TMEM117: variants seen among roughly 807,000 people sequenced by gnomAD.
The protein encoded by TMEM117 is transmembrane protein 117.
Under a neutral mutation model 52.4 loss-of-function variants are expected in TMEM117, and 27 were observed. That is an observed-to-expected ratio of 0.51 (90% CI 0.38 to 0.71). The LOEUF (loss-of-function observed/expected upper bound fraction) is 0.71. Among genes scored for constraint, TMEM117 ranks in the 30% least tolerant of loss-of-function variants. TMEM117 has a pLI of 0.00. For synonymous variants in TMEM117, 215 were observed against 206.3 expected (o/e 1.04, Z -0.36); for missense variants, 556 against 630.5 (o/e 0.88, Z 1.26).
At chr12:44,372,423 T>C (rs990959150) in intron 6 of TMEM117, among the ~76,000 whole-genome samples, 1 of 152,138 alleles carries the variant, frequency 6.6e-6, no homozygotes, top group Admixed American at 6.5e-5. Flanking sequence ...ATAGTTATGA[T>C]GCCAGGAGAA....
In TMEM117 at chr12:43,867,728, A is replaced by G. The variant is rs574996480; in HGVS notation, c.277+22800A>G. Among the ~76,000 whole-genome samples, 136 of 152,332 alleles carry G rather than the reference A, an allele frequency of 8.9e-4. 1 individual carries two copies. The highest frequency in any genetic ancestry group is 1.5e-3 in the Non-Finnish European group (104 of 68,024). Reference sequence around the variant, plus strand: ...CAAAAAGATGTTTTAAAATAATGAAAGGGTCAATTCATCTGCACAATAAAA... The same window carrying G: ...CAAAAAGATGTTTTAAAATAATGAAGGGGTCAATTCATCTGCACAATAAAA... On this transcript the variant is annotated intron_variant, in intron 2 of 7. Coordinates refer to ENST00000266534, the MANE Select transcript of TMEM117 (RefSeq NM_032256.3).
chr12:44,208,944 G>A (rs1177075551), intron 4 of TMEM117, among the ~76,000 whole-genome samples: 1 of 151,868 alleles, frequency 6.6e-6, no homozygotes, highest in African/African-American at 2.4e-5. Context: ...CTGTTCCTTG[G>A]AAATATTTAT....
intron 5 of TMEM117, among the ~76,000 whole-genome samples, chr12:44,267,436 C>T (rs1189232723): frequency 1.3e-5 from 2 of 152,110 alleles, no homozygotes; most frequent in Non-Finnish European, 2.9e-5. Flanking sequence ...TAAGAATACA[C>T]TGTGAAACCA....
intron 3 of TMEM117, among the ~76,000 whole-genome samples, chr12:44,003,846 G>T (rs563505938): frequency 6.6e-6 from 1 of 152,156 alleles, no homozygotes; most frequent in Non-Finnish European, 1.5e-5. Flanking sequence ...CTTTTTCTGT[G>T]ATGGCAAGGA....
At chr12:44,390,413 A>C (rs563355417), downstream of TMEM117, among the ~76,000 whole-genome samples, 44 of 152,160 alleles carry the variant, frequency 2.9e-4, no homozygotes, top group Non-Finnish European at 5.7e-4. Context: ...ATTTATTCTG[A>C]AAGTCATTGT....
intron 5 of TMEM117, among the ~76,000 whole-genome samples, chr12:44,272,166 T>C (rs1224135983): frequency 6.6e-6 from 1 of 152,138 alleles, no homozygotes; most frequent in East Asian, 1.9e-4. Context: ...TGGAACACAT[T>C]ATGGAGGTTC....
chr12:44,287,021 G>A (rs1016069563), intron 5 of TMEM117, among the ~76,000 whole-genome samples: 28 of 152,042 alleles, frequency 1.8e-4, no homozygotes, highest in Admixed American at 3.3e-4. Flanking sequence ...TCACTTTACC[G>A]AGATCTTAGT....
chr12:44,259,425 T>A (rs948929190), intron 5 of TMEM117, among the ~76,000 whole-genome samples: 2 of 152,148 alleles, frequency 1.3e-5, no homozygotes, highest in African/African-American at 2.4e-5. Context: ...AAGCAAAGTT[T>A]GTCAGTCTTT....
chr12:43,868,291 A>G (rs1366692911), intron 2 of TMEM117, among the ~76,000 whole-genome samples: 1 of 151,062 alleles, frequency 6.6e-6, no homozygotes, highest in Non-Finnish European at 1.5e-5. Context: ...CTGTTATCCT[A>G]GCACTTTGGG....
chr12:44,283,602 T>G (rs909175746), intron 5 of TMEM117, among the ~76,000 whole-genome samples: 3 of 152,196 alleles, frequency 2.0e-5, no homozygotes, highest in African/African-American at 7.2e-5. Flanking sequence ...CCCCATTGTA[T>G]CTAGGAAGTA....
At chr12:43,853,763 T>G (rs1299106878) in intron 2 of TMEM117, among the ~76,000 whole-genome samples, 1 of 152,184 alleles carries the variant, frequency 6.6e-6, no homozygotes, top group Non-Finnish European at 1.5e-5. Flanking sequence ...TAGTATGGAC[T>G]GTGAGTGCTG....
intron 7 of TMEM117, among the ~76,000 whole-genome samples, chr12:44,384,874 G>T (rs1343147418): frequency 6.6e-6 from 1 of 152,078 alleles, no homozygotes; most frequent in Non-Finnish European, 1.5e-5. Flanking sequence ...ATATTTCAGA[G>T]AATGTTCTAA....
intron 3 of TMEM117, among the ~76,000 whole-genome samples, chr12:44,020,739 T>C (rs1946443402): frequency 6.6e-6 from 1 of 152,200 alleles, no homozygotes; most frequent in South Asian, 2.1e-4. Flanking sequence ...GTCAACAGTT[T>C]GCCAGAAATA....
At chr12:43,818,418 CTGTTTTTTTTTTG>C in the TMEM117 span, among the ~76,000 whole-genome samples, 39 of 147,444 alleles carry the variant, frequency 2.6e-4, no homozygotes, top group African/African-American at 8.1e-4. Context: ...AAATTTGTAT[CTGTTTTTTTTTTG>C]TGTTTTTTTT....
intron 3 of TMEM117, among the ~76,000 whole-genome samples, chr12:43,973,694 G>A (rs1945627842): frequency 6.6e-6 from 1 of 152,186 alleles, no homozygotes; most frequent in Non-Finnish European, 1.5e-5. Context: ...ACTTACTGTT[G>A]CAAGAGCCTG....
chr12:44,105,862 T>G (rs1947944232), intron 3 of TMEM117, among the ~76,000 whole-genome samples: 2 of 152,140 alleles, frequency 1.3e-5, no homozygotes, highest in Middle Eastern at 3.4e-3. Flanking sequence ...AAAAGGAGTG[T>G]TTTCCCCTGC....
rs112050490 is a variant in TMEM117 at position 44,312,502 on chromosome 12, A to G, written c.768+12763A>G. ...ACATGCATCACATTTTCTTTATCCA[A>G]TCCACCGCTGTTGGGCCCTTAGATT... On this transcript the variant is annotated intron_variant, in intron 6 of 7. Coordinates refer to ENST00000266534, the MANE Select transcript of TMEM117 (RefSeq NM_032256.3). Among the ~76,000 whole-genome samples, 1,315 of 152,054 alleles carry G rather than the reference A, an allele frequency of 8.6e-3. 12 individuals are homozygous for G. The highest frequency in any genetic ancestry group is 0.03 in the African/African-American group (1,232 of 41,470).
At chr12:44,332,589 A>C (rs1331300883) in intron 6 of TMEM117, among the ~76,000 whole-genome samples, 5 of 152,044 alleles carry the variant, frequency 3.3e-5, no homozygotes, top group Non-Finnish European at 7.4e-5. Flanking sequence ...CAATTCTAGA[A>C]TTTCATAGAA....
chr12:43,832,737 G>C (rs866543574), upstream of TMEM117, among the ~76,000 whole-genome samples: 1 of 152,104 alleles, frequency 6.6e-6, no homozygotes, highest in South Asian at 2.1e-4. Context: ...CACATTGCCT[G>C]GTTTCTGATC....
Sources: allele counts gnomAD v4.1 joint callset (sites outside exome capture counted in the v4.1 genomes callset), GRCh38; gene constraint gnomAD v4.1.1; transcripts MANE v1.5; gene names NCBI Gene and HGNC (gene_info 2026-07-23, HGNC 2026-07-21).